Variants in MYO16 observed in about 807,000 individuals in gnomAD.
MYO16 encodes the protein unconventional myosin-XVI.
In MYO16, 94 loss-of-function variants were observed where a neutral mutation model predicts 205.3. The ratio of observed to expected loss-of-function variants is 0.46; its 90% CI spans 0.39 to 0.54. The LOEUF (loss-of-function observed/expected upper bound fraction) is 0.54, where lower values mean the gene tolerates loss of function less well. MYO16 is among the 20% of genes least tolerant of loss of function. The pLI is 0.00. For missense variants in MYO16, 2,315 were observed against 2,387.5 expected (o/e 0.97, Z 0.63); for synonymous variants, 988 against 954.0 (o/e 1.04, Z -0.66).
intron 23 of MYO16, among the ~76,000 whole-genome samples, chr13:109,029,273 C>G (rs1886476938): frequency 1.3e-5 from 2 of 152,020 alleles, no homozygotes; most frequent in South Asian, 4.2e-4. Flanking sequence ...CACCATCATG[C>G]CCAGCTAATT....
chr13:109,196,225 A>G (rs1238521034), intron 34 of MYO16, among the ~76,000 whole-genome samples: 1 of 152,168 alleles, frequency 6.6e-6, no homozygotes, highest in Non-Finnish European at 1.5e-5. Flanking sequence ...TCATGTCTTG[A>G]ATGTCTAAAT....
chr13:108,688,278 A>G (rs1317675254), intron 2 of MYO16, among the ~76,000 whole-genome samples: 4 of 152,206 alleles, frequency 2.6e-5, no homozygotes, highest in African/African-American at 9.7e-5. Flanking sequence ...TACACATAGA[A>G]AACAGGATGC....
rs750295383 is a variant in MYO16 at position 108,793,683 on chromosome 13, T to A, written c.741+43T>A. 5 of 1,557,702 alleles carry A rather than the reference T, an allele frequency of 3.2e-6. No homozygotes were observed. In the Admixed American group the frequency reaches 8.7e-5, roughly 27 times the overall value. ...ACTCAGAAACTATTTGAATAGAGAA[T>A]TTAAGTTGATCTATAAAACATAGAA... On this transcript the variant is annotated intron_variant, in intron 6 of 34. Transcript: ENST00000457511.
intron 2 of MYO16, among the ~76,000 whole-genome samples, chr13:108,701,671 C>T (rs1235913541): frequency 6.6e-6 from 1 of 151,710 alleles, no homozygotes; most frequent in Non-Finnish European, 1.5e-5. Context: ...TTCAAATAAA[C>T]AAGAAAGTGT....
At chr13:108,776,244 C>T (rs1307226189) in intron 4 of MYO16, among the ~76,000 whole-genome samples, 2 of 152,112 alleles carry the variant, frequency 1.3e-5, no homozygotes, top group East Asian at 3.9e-4. Context: ...GGAGGCGAGA[C>T]AGAGGACTCT....
intron 22 of MYO16, 143 bp from the exon 23 acceptor site, chr13:109,019,568 A>G (rs774113230): frequency 1.6e-6 from 1 of 639,542 alleles, no homozygotes; most frequent in South Asian, 2.1e-5. Flanking sequence ...GTAGAAATAG[A>G]AATATATTAA....
chr13:108,832,756 G>C (rs1242299706), intron 9 of MYO16, among the ~76,000 whole-genome samples: 1 of 152,002 alleles, frequency 6.6e-6, no homozygotes, highest in East Asian at 1.9e-4. Context: ...GATTACAAAT[G>C]ACTTTTATAT....
At chr13:108,597,808 A>C (rs1878616036) in intron 1 of MYO16, among the ~76,000 whole-genome samples, 1 of 152,198 alleles carries the variant, frequency 6.6e-6, no homozygotes. Context: ...GTTGTGTTTC[A>C]TAACCATTGT....
At chr13:108,735,947 A>T (rs371336951) in intron 4 of MYO16, among the ~76,000 whole-genome samples, 1 of 152,092 alleles carries the variant, frequency 6.6e-6, no homozygotes, top group African/African-American at 2.4e-5. Flanking sequence ...TCTTCTTTTG[A>T]GAAGTGTCTG....
At chr13:108,820,674 G>A (rs189922387) in intron 8 of MYO16, among the ~76,000 whole-genome samples, 6 of 152,194 alleles carry the variant, frequency 3.9e-5, no homozygotes, top group African/African-American at 1.4e-4. Flanking sequence ...TGCCTTTCAT[G>A]TTTTAAACTT....
At chr13:108,912,825 A>ATG (rs1881325623) in intron 16 of MYO16, among the ~76,000 whole-genome samples, 1 of 151,918 alleles carries the variant, frequency 6.6e-6, no homozygotes, top group Non-Finnish European at 1.5e-5. Flanking sequence ...ATCTGTGTCT[A>ATG]TGTGTGTGTG....
chr13:108,844,624 T>A, intron 10 of MYO16, 131 bp downstream of exon 10: 2 of 924,848 alleles, frequency 2.2e-6, no homozygotes, highest in Non-Finnish European at 3.0e-6. Context: ...AGATTAATAT[T>A]TTGCTTGCAG....
At chr13:108,837,015 A>G (rs1876959598) in intron 9 of MYO16, among the ~76,000 whole-genome samples, 1 of 152,086 alleles carries the variant, frequency 6.6e-6, no homozygotes, top group African/African-American at 2.4e-5. Context: ...GAGATTTGGG[A>G]GGGGCCGGGG....
rs1181878432 is a variant in MYO16, at chr13:108,891,399, C to T, written c.1659+2922C>T. Among the ~76,000 whole-genome samples, 3 of 152,086 alleles carry T rather than the reference C, an allele frequency of 2.0e-5. No individual in the cohort carries two copies. The East Asian group carries it at 5.8e-4, about 29-fold the overall frequency. On this transcript the variant is annotated intron_variant, in intron 14 of 34. Transcript: ENST00000457511. ...ACATTTGTTAAAAAATGTCTTATCT[C>T]GCAGGTCAAGAGACCACTAAATGCA...
chr13:108,529,423 A>C, the MYO16 span, among the ~76,000 whole-genome samples: 1 of 152,140 alleles, frequency 6.6e-6, no homozygotes, highest in Non-Finnish European at 1.5e-5. Context: ...TAATCTTACT[A>C]AAGTGGTCTC....
rs869041443 is a variant in MYO16, at chr13:108,972,351, CATATATATATATATATATATAT to C, written c.2369+7475_2369+7496del. Reference sequence around the variant, plus strand: ...CCATCTATATATATATATATATAGCCATATATATATATATATATATATATATATATATATATATATATATATA... The same window carrying C: ...CCATCTATATATATATATATATAGCCATATATATATATATATATATATATA... On this transcript the variant is annotated intron_variant, in intron 20 of 34. Transcript: ENST00000457511. Among the ~76,000 whole-genome samples the C allele has an allele frequency of 2.3e-3, 40 of 17,456 alleles. 6 individuals carry two copies. In the East Asian group the frequency reaches 0.061, roughly 27 times the overall value. The allele number at this position is 17,456 out of a possible 152,430, so 11.5% of individuals were successfully genotyped here.
chr13:108,917,545 T>A (rs1881550159), intron 16 of MYO16, among the ~76,000 whole-genome samples: 1 of 152,190 alleles, frequency 6.6e-6, no homozygotes, highest in Non-Finnish European at 1.5e-5. Context: ...CAGCTACTCA[T>A]ACAGGACCAT....
chr13:108,575,020 C>T, the MYO16 span, among the ~76,000 whole-genome samples: 1 of 152,134 alleles, frequency 6.6e-6, no homozygotes, highest in Non-Finnish European at 1.5e-5. Flanking sequence ...GGTGTACTCA[C>T]ACACTCCAGT....
intron 1 of MYO16, among the ~76,000 whole-genome samples, chr13:108,606,200 T>C (rs144228816): frequency 4.9e-4 from 75 of 152,320 alleles, no homozygotes; most frequent in African/African-American, 1.7e-3. Flanking sequence ...AAATCAATTT[T>C]CTGGAGAGAA....
Sources: gnomAD v4.1 joint callset for allele counts (sites outside exome capture counted in the v4.1 genomes callset) on GRCh38, gnomAD v4.1.1 for gene constraint, MANE v1.5 for transcripts, NCBI Gene and HGNC (gene_info 2026-07-23, HGNC 2026-07-21) for gene names.